EXOC4: variants seen among roughly 807,000 people sequenced by gnomAD.
The protein encoded by EXOC4 is SEC8-like 1.
In EXOC4, 71 loss-of-function variants were observed where a neutral mutation model predicts 107.2. The ratio of observed to expected loss-of-function variants is 0.66; its 90% confidence interval spans 0.55 to 0.81. EXOC4 has a LOEUF of 0.81. Ranked by LOEUF, EXOC4 falls within the 30% of genes least tolerant of loss-of-function variation. The probability of loss-of-function intolerance (pLI) is 0.00; values close to 1 mark genes in which losing one functional copy is unlikely to be tolerated. For missense variants in EXOC4, 1,108 were observed against 1,189.6 expected, an observed-to-expected ratio of 0.93 and a Z score of 1.01; for synonymous variants, 456 against 441.2, an observed-to-expected ratio of 1.03 and a Z score of -0.42.
rs372175359 is a variant in EXOC4, at chr7:134,064,385, G to A, written c.2782G>A (p.Ala928Thr). The A allele has an allele frequency of 6.3e-6, 10 of 1,596,036 alleles. No individual in the cohort carries two copies. Among genetic ancestry groups the A allele is most frequent in the Middle Eastern group, 3.3e-4 (2 of 5,996 alleles). ...VKYTELEYIH[A>T]LTLLHRSQTG... ...GTACACGGAGCTGGAGTACATCCAC[G>A]CTCTGACCCTGCTGCACCGCAGCCA... The change falls in exon 18 of 18, where the codon GCT becomes ACT. Residue 928 changes from alanine to threonine, a missense_variant. Physicochemically the swap from Ala to Thr is moderately conservative, Grantham distance 58 (BLOSUM62 0). Coordinates refer to ENST00000253861, the MANE Select transcript of EXOC4 (RefSeq NM_021807.4).
At position 133,267,499 on chromosome 7, in the gene EXOC4, A is replaced by G. The variant is rs893833697; in HGVS notation, c.87-7483A>G. Among the ~76,000 whole-genome samples the G allele has an allele frequency of 7.2e-5, 11 of 152,240 alleles. No individual in the cohort carries two copies. In the South Asian group the frequency reaches 2.1e-3, roughly 29 times the overall value. On this transcript the variant is annotated intron_variant, in intron 1 of 17. Coordinates refer to ENST00000253861, the MANE Select transcript of EXOC4 (RefSeq NM_021807.4). ...TTCTAGTAAGCTGTATTCAAATGCC[A>G]TCTTTATCCGAGAGGCCCTCCCTGG... is the stretch of plus-strand genomic sequence containing the variant.
At chr7:133,283,998 A>G (rs1026862068) in intron 2 of EXOC4, among the ~76,000 whole-genome samples, 13 of 152,224 alleles carry the variant, frequency 8.5e-5, no homozygotes, top group African/African-American at 3.1e-4. Flanking sequence ...CAGAAGGCTC[A>G]GGGCAATTTA....
intron 14 of EXOC4, among the ~76,000 whole-genome samples, chr7:133,995,072 T>G (rs1216172969): frequency 2.6e-5 from 4 of 152,194 alleles, no homozygotes; most frequent in Non-Finnish European, 5.9e-5. Flanking sequence ...TAGATTATGG[T>G]CAAGTGAAAT....
chr7:133,574,458 A>T (rs1801086078), intron 9 of EXOC4, among the ~76,000 whole-genome samples: 1 of 152,224 alleles, frequency 6.6e-6, no homozygotes, highest in African/African-American at 2.4e-5. Flanking sequence ...CTTAATAGAC[A>T]CTGAATAAAA....
At chr7:133,685,492 A>C (rs1241814635) in intron 10 of EXOC4, among the ~76,000 whole-genome samples, 1 of 152,064 alleles carries the variant, frequency 6.6e-6, no homozygotes, top group East Asian at 1.9e-4. Flanking sequence ...AAATTACCCA[A>C]TCTTGGGCAG....
intron 5 of EXOC4, among the ~76,000 whole-genome samples, chr7:133,334,528 T>TA (rs1408309015): frequency 1.3e-5 from 2 of 152,204 alleles, no homozygotes; most frequent in Admixed American, 1.3e-4. Context: ...TGGGTTGATT[T>TA]ATCATAGGTC....
At chr7:133,876,070 A>G (rs1798841087) in intron 11 of EXOC4, among the ~76,000 whole-genome samples, 1 of 152,210 alleles carries the variant, frequency 6.6e-6, no homozygotes, top group Non-Finnish European at 1.5e-5. Flanking sequence ...ATAGGTAGGT[A>G]GGCATATCTG....
chr7:133,853,783 C>T (rs1798290909), intron 11 of EXOC4, among the ~76,000 whole-genome samples: 1 of 152,046 alleles, frequency 6.6e-6, no homozygotes, highest in Non-Finnish European at 1.5e-5. Flanking sequence ...TATAGTGATC[C>T]TATTCTAGAG....
At chr7:133,787,963 TTATATATA>T (rs1163259405) in intron 10 of EXOC4, among the ~76,000 whole-genome samples, 873 of 40,926 alleles carry the variant, frequency 0.021, 42 homozygotes, top group East Asian at 0.043. Flanking sequence ...ATTTATATAT[TTATATATA>T]TATATATATA....
chr7:133,846,022 CCACA>C (rs368335987), intron 11 of EXOC4, among the ~76,000 whole-genome samples: 2 of 151,402 alleles, frequency 1.3e-5, no homozygotes, highest in Non-Finnish European at 1.5e-5. Context: ...TCACAGTCCC[CCACA>C]CACACACACG....
chr7:133,828,591 G>A (rs1057275526), intron 11 of EXOC4, among the ~76,000 whole-genome samples: 1 of 152,194 alleles, frequency 6.6e-6, no homozygotes, highest in Admixed American at 6.5e-5. Flanking sequence ...AACATTTCAA[G>A]TAAAGCAGCT....
At chr7:133,401,574 A>G (rs890325824) in intron 7 of EXOC4, among the ~76,000 whole-genome samples, 2 of 151,488 alleles carry the variant, frequency 1.3e-5, no homozygotes, top group African/African-American at 2.4e-5. Context: ...AAGTGGAAGG[A>G]TTGCTTGAAC....
At chr7:133,824,316 G>A (rs748754) in intron 11 of EXOC4, among the ~76,000 whole-genome samples, 44,421 of 151,518 alleles carry the variant, frequency 0.29, 6,770 homozygotes, top group South Asian at 0.43. Context: ...TACTGACTGC[G>A]CCCCAACCCC....
intron 9 of EXOC4, among the ~76,000 whole-genome samples, chr7:133,561,158 G>C (rs1237306180): frequency 6.6e-6 from 1 of 152,152 alleles, no homozygotes; most frequent in Non-Finnish European, 1.5e-5. Context: ...CTCTGTTTCT[G>C]CCTGGTCACA....
At position 133,560,683 on chromosome 7, in the gene EXOC4, T is replaced by G. The variant is rs554437130; in HGVS notation, c.1418-69362T>G. ...GTGGCTGTATTTCTGTCAAATGAATTCCCATTACTAATCTCTGCTTAATTA... is the reference window on the plus strand; with the variant it reads ...GTGGCTGTATTTCTGTCAAATGAATGCCCATTACTAATCTCTGCTTAATTA... On this transcript the variant is annotated intron_variant, in intron 9 of 17. Coordinates refer to ENST00000253861, the MANE Select transcript of EXOC4 (RefSeq NM_021807.4). Among the ~76,000 whole-genome samples the G allele has an allele frequency of 2.2e-4, 34 of 152,296 alleles. No homozygotes were observed. The South Asian group carries it at 3.7e-3, about 17-fold the overall frequency.
chr7:133,880,451 C>G (rs1237650026), intron 11 of EXOC4, among the ~76,000 whole-genome samples: 1 of 152,136 alleles, frequency 6.6e-6, no homozygotes, highest in Admixed American at 6.5e-5. Flanking sequence ...AATGCTAATG[C>G]TTTCCTATTC....
intron 10 of EXOC4, among the ~76,000 whole-genome samples, chr7:133,774,505 A>G (rs755912130): frequency 5.3e-5 from 8 of 152,164 alleles, no homozygotes; most frequent in Non-Finnish European, 1.0e-4. Context: ...GGTTATTACT[A>G]TTATTCTTGT....
At chr7:133,424,328 C>T (rs1797674803) in intron 7 of EXOC4, among the ~76,000 whole-genome samples, 1 of 152,132 alleles carries the variant, frequency 6.6e-6, no homozygotes, top group Non-Finnish European at 1.5e-5. Context: ...AGACCACGAA[C>T]CCACCAGAAG....
intron 5 of EXOC4, among the ~76,000 whole-genome samples, chr7:133,328,914 A>T (rs144198617): frequency 0.021 from 3,227 of 152,120 alleles, 120 homozygotes; most frequent in African/African-American, 0.073. Flanking sequence ...GCTCTTCTTG[A>T]GGAGTATTTT....
Sources: allele counts gnomAD v4.1 joint callset (sites outside exome capture counted in the v4.1 genomes callset), GRCh38; gene constraint gnomAD v4.1.1; transcripts MANE v1.5; gene names NCBI Gene and HGNC (gene_info 2026-07-23, HGNC 2026-07-21).